Variants in PCDHA8 observed in about 807,000 individuals in gnomAD.
PCDHA8 encodes protocadherin alpha 8, also known as protocadherin alpha-8.
PCDHA8 carries 53 observed loss-of-function variants against 61.8 expected under a neutral mutation model. The ratio of observed to expected loss-of-function variants is 0.86; its 90% confidence interval spans 0.69 to 1.08. The LOEUF is 1.08. Ranked by LOEUF, PCDHA8 falls within the 50% of genes least tolerant of loss-of-function variation. The pLI is 0.00. For missense variants in PCDHA8, 1,293 were observed against 1,245.0 expected, an observed-to-expected ratio of 1.04 and a Z score of -0.58; for synonymous variants, 618 against 556.6, an observed-to-expected ratio of 1.11 and a Z score of -1.55.
chr5:140,907,408 C>T (rs2073363118), intron 1 of PCDHA8, among the ~76,000 whole-genome samples: 1 of 152,118 alleles, frequency 6.6e-6, no homozygotes. Flanking sequence ...TGTGGAATAC[C>T]ACGATGGTGG....
rs368920437 is a variant in PCDHA8, at chr5:140,857,660, G to T, written c.2394+13945G>T. On this transcript the variant is annotated intron_variant, in intron 1 of 3. Coordinates refer to ENST00000531613, the MANE Select transcript of PCDHA8 (RefSeq NM_018911.3). ...GCTACAGTTCCAGGTGAGCGCGCGC[G>T]ATGGGGGCGTGCCGCCTCTGGGCAG... is the stretch of plus-strand genomic sequence containing the variant. 1.2e-5 allele frequency: 19 copies of T among 1,596,850 alleles called. 2 individuals are homozygous for T. In the East Asian group the frequency reaches 1.3e-4, roughly 11 times the overall value.
rs200441286 is a variant in PCDHA8, at chr5:140,856,169, G to A, written c.2394+12454G>A. 1.9e-6 allele frequency: 3 copies of A among 1,598,230 alleles called. 1 individual carries two copies. The highest frequency in any genetic ancestry group is 2.6e-6 in the Non-Finnish European group (3 of 1,167,916). On this transcript the variant is annotated intron_variant, in intron 1 of 3. Transcript: ENST00000531613. ...CTCAGTCTACGAGGAGGCCAGACACGGCACCTTCGTGGGCCGCATCGCGCA... is the reference window on the plus strand; with the variant it reads ...CTCAGTCTACGAGGAGGCCAGACACAGCACCTTCGTGGGCCGCATCGCGCA...
rs2150475866 is a variant in PCDHA8 at position 140,850,252 on chromosome 5, GCGC to G, written c.2394+6540_2394+6542del. The G allele has an allele frequency of 1.9e-6, 3 of 1,593,828 alleles. 1 individual carries two copies. The Admixed American group carries it at 5.1e-5, about 27-fold the overall frequency. On this transcript the variant is annotated intron_variant, in intron 1 of 3. Transcript: ENST00000531613. ...AGCGAGATGGTGCTGCGGTCGGTGG[GCGC>G]CGGCGTAGTGGTGGGGAAGGTGCGC...
chr5:140,950,426 ACT>A (rs1554219446), intron 1 of PCDHA8, among the ~76,000 whole-genome samples: 5 of 151,872 alleles, frequency 3.3e-5, no homozygotes, highest in African/African-American at 1.2e-4. Flanking sequence ...ATTTTCTTCC[ACT>A]TAAAAAAAAT....
At chr5:140,937,399 T>C (rs2091517737) in intron 1 of PCDHA8, among the ~76,000 whole-genome samples, 1 of 152,226 alleles carries the variant, frequency 6.6e-6, no homozygotes, top group African/African-American at 2.4e-5. Context: ...TATAGGGGTA[T>C]TGCACAACTT....
chr5:140,893,709 G>T lies in PCDHA8; in HGVS notation c.2394+49994G>T, dbSNP rs141117049. ...ATCTCATTCTATCCTAGCCTGTAAA[G>T]CTTCTGCTGAGAAATCTGCTGTTAG... is the stretch of plus-strand genomic sequence containing the variant. On this transcript the variant is annotated intron_variant, in intron 1 of 3. Transcript: ENST00000531613. 2.6e-3 allele frequency among the ~76,000 whole-genome samples: 396 copies of T among 152,250 alleles called. 2 individuals carry two copies. Among genetic ancestry groups the T allele is most frequent in the African/African-American group, 9.2e-3 (384 of 41,542 alleles).
intron 1 of PCDHA8, chr5:140,854,282 G>C: frequency 1.9e-6 from 1 of 533,858 alleles, no homozygotes; most frequent in Non-Finnish European, 2.4e-6. Context: ...ATTGAGTTTA[G>C]TTTTTATTAT....
At chr5:140,976,143 A>G (rs2096703250) in intron 1 of PCDHA8, among the ~76,000 whole-genome samples, 1 of 152,236 alleles carries the variant, frequency 6.6e-6, no homozygotes, top group South Asian at 2.1e-4. Flanking sequence ...GATGAAACTC[A>G]TGTACATTTT....
intron 1 of PCDHA8, among the ~76,000 whole-genome samples, chr5:140,902,675 C>G (rs1554190566): frequency 1.3e-5 from 2 of 152,154 alleles, no homozygotes; most frequent in Admixed American, 1.3e-4. Flanking sequence ...GCAGTGTACA[C>G]CGTACCTAAT....
At chr5:140,974,151 G>A (rs2096617637) in intron 1 of PCDHA8, among the ~76,000 whole-genome samples, 1 of 152,118 alleles carries the variant, frequency 6.6e-6, no homozygotes, top group Non-Finnish European at 1.5e-5. Context: ...ACTATACAAG[G>A]GTTTTTCTTT....
At chr5:140,915,682 G>A (rs1239251164) in intron 1 of PCDHA8, among the ~76,000 whole-genome samples, 1 of 151,322 alleles carries the variant, frequency 6.6e-6, no homozygotes, top group Admixed American at 6.6e-5. Context: ...CTTGAACTAG[G>A]GGTATGGTGA....
At position 140,982,581 on chromosome 5, in the gene PCDHA8, C is replaced by CT. The variant is rs782248594; in HGVS notation, c.2542+19dup. 2.4e-5 allele frequency: 38 copies of CT among 1,612,216 alleles called. No homozygotes were observed. The Middle Eastern group carries it at 5.0e-4, about 21-fold the overall frequency. ...AACACCAGGTAAAGAGCTGGGGTCT[C>CT]TCCATTCTTTCTTGGTTTCTGGAAA... On this transcript the variant is annotated intron_variant, in intron 3 of 3. Transcript: ENST00000531613.
chr5:140,955,297 T>C (rs2153705828), intron 1 of PCDHA8, among the ~76,000 whole-genome samples: 1 of 152,262 alleles, frequency 6.6e-6, no homozygotes, highest in East Asian at 1.9e-4. Context: ...TTTGGCTGTG[T>C]CCCCACCCAA....
In PCDHA8 at chr5:140,851,765, C is replaced by T; in HGVS notation, c.2394+8050C>T. Reference sequence around the variant, plus strand: ...AGAGTCTGTAACTTAAAACATTACCCTTATGAATTTAGATGAGAATTCACT... The same window carrying T: ...AGAGTCTGTAACTTAAAACATTACCTTTATGAATTTAGATGAGAATTCACT... On this transcript the variant is annotated intron_variant, in intron 1 of 3. Transcript: ENST00000531613. 12 of 970,186 alleles carry T rather than the reference C, an allele frequency of 1.2e-5. 1 individual carries two copies. The highest frequency in any genetic ancestry group is 1.4e-5 in the Non-Finnish European group (11 of 802,992). The allele number at this position is 970,186 out of a possible 1,614,324, so 60.1% of individuals were successfully genotyped here. A position where few individuals can be genotyped will look rare whatever the true frequency, so the allele number is the denominator to read the frequency against.
At chr5:140,915,469 A>G (rs2077137068) in intron 1 of PCDHA8, among the ~76,000 whole-genome samples, 1 of 152,034 alleles carries the variant, frequency 6.6e-6, no homozygotes, top group Admixed American at 6.6e-5. Context: ...TTTTTATTTG[A>G]AGGAGCTTGG....
chr5:140,937,378 G>T (rs1248709474), intron 1 of PCDHA8, among the ~76,000 whole-genome samples: 1 of 152,130 alleles, frequency 6.6e-6, no homozygotes, highest in African/African-American at 2.4e-5. Context: ...GTTTATGTGT[G>T]TGTATGTGTA....
intron 1 of PCDHA8, among the ~76,000 whole-genome samples, chr5:140,910,901 C>T (rs1433262630): frequency 6.6e-6 from 1 of 152,142 alleles, no homozygotes; most frequent in African/African-American, 2.4e-5. Context: ...CTATGCCTGT[C>T]CTCCAGATTT....
intron 1 of PCDHA8, chr5:140,866,593 A>T (rs527619239): frequency 4.0e-4 from 61 of 152,276 alleles, no homozygotes; most frequent in African/African-American, 1.4e-3. Context: ...ATGTAATTCT[A>T]ATCTGTTGGT....
chr5:140,965,305 A>G (rs2095888625), intron 1 of PCDHA8, among the ~76,000 whole-genome samples: 2 of 152,136 alleles, frequency 1.3e-5, no homozygotes, highest in African/African-American at 4.8e-5. Context: ...TGATCCTTCT[A>G]CCTTCTCTTT....
Sources: allele counts gnomAD v4.1 joint callset (sites outside exome capture counted in the v4.1 genomes callset), GRCh38; gene constraint gnomAD v4.1.1; transcripts MANE v1.5; gene names NCBI Gene and HGNC (gene_info 2026-07-23, HGNC 2026-07-21).